SPIDR: variants seen among roughly 807,000 people sequenced by gnomAD.
SPIDR encodes scaffold protein involved in DNA repair.
A neutral mutation model predicts 104.6 loss-of-function variants in SPIDR; 93 were observed. The ratio of observed to expected loss-of-function variants is 0.89; its 90% CI spans 0.75 to 1.06. The LOEUF is 1.06. Ranked by LOEUF, SPIDR falls within the 50% of genes least tolerant of loss-of-function variation. The pLI is 0.00. For synonymous variants in SPIDR, 431 were observed against 416.9 expected (o/e 1.03, Z -0.41); for missense variants, 1,154 against 1,111.2 (o/e 1.04, Z -0.55).
chr8:47,316,748 A>G (rs1462458673), intron 5 of SPIDR, among the ~76,000 whole-genome samples: 1 of 152,176 alleles, frequency 6.6e-6, no homozygotes, highest in Non-Finnish European at 1.5e-5. Flanking sequence ...GATAGGAAGT[A>G]TTTTATTTCT....
At chr8:47,336,719 A>G (rs990125542) in intron 5 of SPIDR, among the ~76,000 whole-genome samples, 6 of 152,212 alleles carry the variant, frequency 3.9e-5, no homozygotes, top group East Asian at 1.9e-4. Flanking sequence ...AATAATTTCT[A>G]TGTTTGTATT....
chr8:47,721,244 A>G (rs186576528), intron 16 of SPIDR, among the ~76,000 whole-genome samples: 11 of 152,278 alleles, frequency 7.2e-5, no homozygotes, highest in South Asian at 2.1e-4. Flanking sequence ...ATTTAAGTCT[A>G]TGATCCATTT....
chr8:47,576,599 A>G (rs1363939767), intron 8 of SPIDR, among the ~76,000 whole-genome samples: 1 of 151,126 alleles, frequency 6.6e-6, no homozygotes, highest in African/African-American at 2.4e-5. Context: ...ACACCTGGCT[A>G]ATTTGTATAT....
intron 5 of SPIDR, among the ~76,000 whole-genome samples, chr8:47,388,002 G>T (rs2060154873): frequency 6.6e-6 from 1 of 152,136 alleles, no homozygotes; most frequent in African/African-American, 2.4e-5. Context: ...ACTCTCAGTT[G>T]TCTAGACTCG....
intron 8 of SPIDR, among the ~76,000 whole-genome samples, chr8:47,489,972 C>G (rs1317004775): frequency 2.0e-5 from 3 of 152,192 alleles, no homozygotes; most frequent in Non-Finnish European, 4.4e-5. Flanking sequence ...ACACCCAAAG[C>G]AATGGCAACA....
At chr8:47,319,114 T>C (rs1386223620) in intron 5 of SPIDR, among the ~76,000 whole-genome samples, 1 of 152,098 alleles carries the variant, frequency 6.6e-6, no homozygotes, top group Non-Finnish European at 1.5e-5. Context: ...TAAATGTAAA[T>C]GGGCTAAATG....
In SPIDR at chr8:47,463,408, C is replaced by T. The variant is rs185761107; in HGVS notation, c.1097+22866C>T. ...AAACCTTCCAATGAAGAAAGACTCGCTATCAGATGGATTCATGAGTAAATT... is the reference window on the plus strand; with the variant it reads ...AAACCTTCCAATGAAGAAAGACTCGTTATCAGATGGATTCATGAGTAAATT... On this transcript the variant is annotated intron_variant, in intron 8 of 19. Transcript: ENST00000297423. Among the ~76,000 whole-genome samples the T allele has an allele frequency of 2.4e-3, 363 of 151,854 alleles. 1 individual carries two copies. Among genetic ancestry groups the T allele is most frequent in the African/African-American group, 8.4e-3 (347 of 41,430 alleles).
At chr8:47,492,121 T>C (rs2078816248) in intron 8 of SPIDR, among the ~76,000 whole-genome samples, 2 of 152,084 alleles carry the variant, frequency 1.3e-5, no homozygotes, top group Admixed American at 1.3e-4. Context: ...CCCTTCCCTG[T>C]GCTACATGTG....
intron 11 of SPIDR, among the ~76,000 whole-genome samples, chr8:47,696,192 T>G (rs1359103320): frequency 1.3e-5 from 2 of 152,230 alleles, no homozygotes. Flanking sequence ...TGACATCACT[T>G]CCGACTCTTG....
intron 5 of SPIDR, among the ~76,000 whole-genome samples, chr8:47,365,586 A>G (rs1251116412): frequency 6.6e-6 from 1 of 152,044 alleles, no homozygotes; most frequent in Non-Finnish European, 1.5e-5. Flanking sequence ...GAAAATGCAC[A>G]TTTTCCAAGT....
chr8:47,591,456 A>G (rs1349893513), intron 8 of SPIDR, among the ~76,000 whole-genome samples: 1 of 143,380 alleles, frequency 7.0e-6, no homozygotes, highest in Non-Finnish European at 1.5e-5. Context: ...TTATTTATTT[A>G]TTTATCTTTT....
chr8:47,321,132 T>G (rs899682868), intron 5 of SPIDR, among the ~76,000 whole-genome samples: 7 of 152,066 alleles, frequency 4.6e-5, no homozygotes, highest in Non-Finnish European at 8.8e-5. Flanking sequence ...GGTATTCAAT[T>G]AGGAAAAGAG....
chr8:47,322,730 C>T (rs576618092), intron 5 of SPIDR, among the ~76,000 whole-genome samples: 1 of 152,204 alleles, frequency 6.6e-6, no homozygotes, highest in African/African-American at 2.4e-5. Flanking sequence ...AAATGTGGCA[C>T]ATATACACCA....
chr8:47,648,176 T>C (rs2070929480), intron 10 of SPIDR, among the ~76,000 whole-genome samples: 1 of 152,138 alleles, frequency 6.6e-6, no homozygotes, highest in African/African-American at 2.4e-5. Context: ...ACTGGAGATA[T>C]CCAAGAGGTA....
chr8:47,504,495 T>G (rs2081152043), intron 8 of SPIDR, among the ~76,000 whole-genome samples: 1 of 152,250 alleles, frequency 6.6e-6, no homozygotes. Context: ...TGAGGTCCTT[T>G]AAGGACTTCT....
chr8:47,490,615 G>GA (rs1412778570), intron 8 of SPIDR, among the ~76,000 whole-genome samples: 1 of 152,208 alleles, frequency 6.6e-6, no homozygotes, highest in Non-Finnish European at 1.5e-5. Flanking sequence ...AACAATGATA[G>GA]ACTGGATTAA....
At chr8:47,664,540 C>T (rs2074615723) in intron 10 of SPIDR, among the ~76,000 whole-genome samples, 1 of 151,748 alleles carries the variant, frequency 6.6e-6, no homozygotes. Flanking sequence ...GAACAACAAC[C>T]AAAGTGAAAA....
At chr8:47,630,482 T>C (rs1373722312) in intron 10 of SPIDR, among the ~76,000 whole-genome samples, 1 of 152,208 alleles carries the variant, frequency 6.6e-6, no homozygotes, top group Admixed American at 6.5e-5. Flanking sequence ...ATATACTTTA[T>C]ATACATTGTT....
At chr8:47,597,444 C>T (rs1042313408) in intron 9 of SPIDR, among the ~76,000 whole-genome samples, 2 of 152,150 alleles carry the variant, frequency 1.3e-5, no homozygotes, top group Non-Finnish European at 2.9e-5. Context: ...CTTTTGTTTA[C>T]ACCAGCATTA....
Sources: gnomAD v4.1 joint callset for allele counts (sites outside exome capture counted in the v4.1 genomes callset) on GRCh38, gnomAD v4.1.1 for gene constraint, MANE v1.5 for transcripts, NCBI Gene and HGNC (gene_info 2026-07-23, HGNC 2026-07-21) for gene names.